Variants in PPARG observed in about 807,000 individuals in gnomAD.
The protein encoded by PPARG is peroxisome proliferator activated receptor gamma.
In PPARG, 17 loss-of-function variants were observed where a neutral mutation model predicts 39.2. That is an observed-to-expected ratio of 0.43 (90% CI 0.30 to 0.65). The LOEUF (loss-of-function observed/expected upper bound fraction) is 0.65. Among genes scored for constraint, PPARG ranks in the 30% least tolerant of loss-of-function variants. The pLI is 0.13. For synonymous variants in PPARG, 223 were observed against 215.7 expected (o/e 1.03, Z -0.30); for missense variants, 406 against 585.9 (o/e 0.69, Z 3.17).
intron 1 of PPARG, among the ~76,000 whole-genome samples, chr3:12,305,342 G>A (rs1420204839): frequency 1.3e-5 from 2 of 152,182 alleles, no homozygotes; most frequent in African/African-American, 2.4e-5. Flanking sequence ...TTTATGAGAC[G>A]AAATAAAGTT....
intron 1 of PPARG, among the ~76,000 whole-genome samples, chr3:12,292,748 TG>T (rs1445231652): frequency 1.3e-5 from 2 of 152,178 alleles, no homozygotes; most frequent in Non-Finnish European, 2.9e-5. Context: ...AGCGGTGTCT[TG>T]GTGATGGGAA....
intron 6 of PPARG, among the ~76,000 whole-genome samples, chr3:12,409,824 A>G (rs532905439): frequency 1.8e-4 from 28 of 152,284 alleles, no homozygotes; most frequent in African/African-American, 6.5e-4. Context: ...ACCATTGCCT[A>G]TTGTAGAATG....
At chr3:12,348,516 G>A (rs989044335) in intron 2 of PPARG, among the ~76,000 whole-genome samples, 1 of 152,138 alleles carries the variant, frequency 6.6e-6, no homozygotes, top group South Asian at 2.1e-4. Context: ...CCTCATTATA[G>A]AATCATTCCT....
chr3:12,416,729 C>T lies in PPARG; in HGVS notation c.755C>T (p.Ser252Phe). 1 of 1,613,896 alleles carries T rather than the reference C, an allele frequency of 6.2e-7. No individual in the cohort carries two copies. The highest frequency in any genetic ancestry group is 1.1e-5 in the South Asian group (1 of 91,042). The part of the protein sequence containing the change: ...KSPFVIYDMN[S>F]LMMGEDKIKF... ...CCATTCGTTATCTATGACATGAATTCCTTAATGATGGGAGAAGATAAAATC... is the reference window on the plus strand; with the variant it reads ...CCATTCGTTATCTATGACATGAATTTCTTAATGATGGGAGAAGATAAAATC... The change falls in exon 7 of 8, where the codon TCC (serine) becomes TTC (phenylalanine). Residue 252 changes from serine to phenylalanine, a missense_variant. Coordinates refer to ENST00000651735, the MANE Select transcript of PPARG (RefSeq NM_138711.6).
At chr3:12,341,044 A>G (rs2048168567) in intron 2 of PPARG, among the ~76,000 whole-genome samples, 1 of 152,226 alleles carries the variant, frequency 6.6e-6, no homozygotes. Context: ...TTAGCCAGGC[A>G]TGGTGGCACA....
rs531382792 is a variant in PPARG, at chr3:12,353,097, A to C, written c.-8-26607A>C. On this transcript the variant is annotated intron_variant, in intron 2 of 7. Transcript: ENST00000651735. ...TGGTAAGGGATGGTTATGTGATTCAAGTTAGTTTTCATTCTGTGCTAATCT... is the reference window on the plus strand; with the variant it reads ...TGGTAAGGGATGGTTATGTGATTCACGTTAGTTTTCATTCTGTGCTAATCT... Among the ~76,000 whole-genome samples, 160 of 152,348 alleles carry C rather than the reference A, an allele frequency of 1.1e-3. 2 individuals are homozygous for C. Among genetic ancestry groups the C allele is most frequent in the African/African-American group, 3.4e-3 (141 of 41,588 alleles).
chr3:12,316,474 A>G (rs956381927), intron 2 of PPARG, among the ~76,000 whole-genome samples: 1 of 152,178 alleles, frequency 6.6e-6, no homozygotes, highest in Non-Finnish European at 1.5e-5. Context: ...TAATGGGGAC[A>G]GTTTCAGTTT....
chr3:12,371,738 C>T lies in PPARG; in HGVS notation c.-8-7966C>T, dbSNP rs964232. The T allele has an allele frequency of 7.1e-3, 3,565 of 499,778 alleles. 107 individuals are homozygous for T. Among genetic ancestry groups the T allele is most frequent in the African/African-American group, 0.06 (3,125 of 52,176 alleles). 31.0% of individuals were successfully genotyped at this position (499,778 alleles called of 1,614,324 possible). ...GCTCAGAGGAGCCAAGCTGGGCTCC[C>T]GTCCAGTCAGCCTCTAGCTCACCAG... is the stretch of plus-strand genomic sequence containing the variant. On this transcript the variant is annotated intron_variant, in intron 2 of 7. Transcript: ENST00000651735.
chr3:12,432,474 A>G (rs945680071), intron 7 of PPARG, among the ~76,000 whole-genome samples: 23 of 152,270 alleles, frequency 1.5e-4, no homozygotes, highest in African/African-American at 5.5e-4. Flanking sequence ...TTAAAATTGT[A>G]AAACCCCTGG....
At chr3:12,318,810 T>G (rs2047459721) in intron 2 of PPARG, among the ~76,000 whole-genome samples, 1 of 152,052 alleles carries the variant, frequency 6.6e-6, no homozygotes, top group Non-Finnish European at 1.5e-5. Flanking sequence ...GGAAGCTAGT[T>G]CCATGGGGCA....
At chr3:12,319,954 C>G (rs186926528) in intron 2 of PPARG, among the ~76,000 whole-genome samples, 1 of 152,132 alleles carries the variant, frequency 6.6e-6, no homozygotes, top group Admixed American at 6.5e-5. Flanking sequence ...TTTATCTTTT[C>G]CAAATGAATA....
At chr3:12,414,572 G>T (rs951277757) in intron 6 of PPARG, among the ~76,000 whole-genome samples, 1 of 152,144 alleles carries the variant, frequency 6.6e-6, no homozygotes, top group Non-Finnish European at 1.5e-5. Context: ...TTCTGTGAAA[G>T]CATCATTATC....
chr3:12,401,867 A>G (rs187573350), intron 5 of PPARG, among the ~76,000 whole-genome samples: 2 of 152,332 alleles, frequency 1.3e-5, no homozygotes, highest in Non-Finnish European at 2.9e-5. Flanking sequence ...TTTGGGGGGA[A>G]CTTCAACTTA....
intron 7 of PPARG, among the ~76,000 whole-genome samples, chr3:12,419,013 C>G (rs377161441): frequency 1.3e-5 from 2 of 152,158 alleles, no homozygotes; most frequent in Non-Finnish European, 2.9e-5. Context: ...GGCACAATCT[C>G]GGCTCACTGC....
intron 7 of PPARG, among the ~76,000 whole-genome samples, chr3:12,427,038 C>G (rs2051473081): frequency 6.6e-6 from 1 of 152,148 alleles, no homozygotes; most frequent in Admixed American, 6.5e-5. Context: ...CTTTTTTAGT[C>G]TCCCCAGATA....
chr3:12,379,166 G>A (rs951182262), intron 2 of PPARG, among the ~76,000 whole-genome samples: 2 of 151,716 alleles, frequency 1.3e-5, no homozygotes, highest in South Asian at 2.1e-4. Context: ...TACCACACCC[G>A]GCCAATTTTT....
At chr3:12,338,413 T>G (rs1461012487) in intron 2 of PPARG, among the ~76,000 whole-genome samples, 1 of 152,142 alleles carries the variant, frequency 6.6e-6, no homozygotes, top group Non-Finnish European at 1.5e-5. Flanking sequence ...TATATAGATA[T>G]CTCTCTCTTA....
rs538617799 is a variant in PPARG at position 12,336,692 on chromosome 3, A to G, written c.-9+24239A>G. 3.3e-5 allele frequency among the ~76,000 whole-genome samples: 5 copies of G among 152,316 alleles called. No homozygotes were observed. In the South Asian group the frequency reaches 1.0e-3, roughly 32 times the overall value. On this transcript the variant is annotated intron_variant, in intron 2 of 7. Transcript: ENST00000651735. ...TAAGTGCCTTTATTTTGTTTAAAGT[A>G]CTGAAAACTGAATCAGGTCTCAGGA...
Position 12,379,892 on chromosome 3 carries a change from G to A in PPARG, c.181G>A (p.Ala61Thr), listed in dbSNP as rs140915035. Residue 61 changes from alanine (A) to threonine (T), a missense_variant, in exon 3 of 8, where the codon GCA becomes ACA. Ala to Thr is a moderately conservative substitution (Grantham distance 58). This residue lies in a region of PPARG where 131 missense variants were observed against 127.9 expected (regional missense o/e 1.02). Transcript: ENST00000651735. ...IPFTRTDPVV[A>T]DYKYDLKLQE... ...ATTCACAAGAACAGATCCAGTGGTT[G>A]CAGATTACAAGTATGACCTGAAACT... The A allele has an allele frequency of 7.4e-6, 12 of 1,613,478 alleles. No homozygotes were observed. In the African/African-American group the frequency reaches 1.3e-4, roughly 18 times the overall value.
Sources: allele counts gnomAD v4.1 joint callset (sites outside exome capture counted in the v4.1 genomes callset), GRCh38; gene constraint gnomAD v4.1.1; regional missense constraint gnomAD v4.1.1; transcripts MANE v1.5; gene names NCBI Gene and HGNC (gene_info 2026-07-23, HGNC 2026-07-21).